The following DIAPH2 variants were observed in gnomAD, a reference collection of about 807,000 sequenced individuals.
DIAPH2 encodes diaphanous related formin 2.
DIAPH2 carries 35 observed loss-of-function variants against 92.7 expected under a neutral mutation model. The ratio of observed to expected loss-of-function variants is 0.38; its 90% CI spans 0.29 to 0.50. The LOEUF (loss-of-function observed/expected upper bound fraction) is 0.50, where lower values mean the gene tolerates loss of function less well. Among genes scored for constraint, DIAPH2 ranks in the 20% least tolerant of loss-of-function variants. The pLI is 0.94. For missense variants in DIAPH2, 701 were observed against 819.5 expected (o/e 0.86, Z 1.77); for synonymous variants, 301 against 280.4 (o/e 1.07, Z -0.73).
At chrX:96,883,423 G>A (rs1407058704) in intron 5 of DIAPH2, among the ~76,000 whole-genome samples, 2 of 106,060 alleles carry the variant, frequency 1.9e-5, no homozygotes, top group Admixed American at 1.0e-4. Flanking sequence ...TCTTGTCACC[G>A]AGGCTGGAGT....
intron 4 of DIAPH2, among the ~76,000 whole-genome samples, chrX:96,829,891 CTTTT>C (rs200939539): frequency 6.0e-5 from 6 of 99,657 alleles, no homozygotes; most frequent in African/African-American, 1.8e-4. Flanking sequence ...TTTTCTTTTT[CTTTT>C]TTTTTTTTAA....
At chrX:97,189,372 A>C (rs2067632389) in intron 22 of DIAPH2, among the ~76,000 whole-genome samples, 1 of 110,194 alleles carries the variant, frequency 9.1e-6, no homozygotes, top group African/African-American at 3.3e-5. Context: ...CAGAGAGAAC[A>C]GTCTGAGAAA....
chrX:97,366,777 G>A (rs780048009), intron 24 of DIAPH2, among the ~76,000 whole-genome samples: 2 of 111,534 alleles, frequency 1.8e-5, no homozygotes, highest in Non-Finnish European at 3.8e-5. Flanking sequence ...CTCTTTTCTG[G>A]GGAGTTGCTA....
At chrX:96,961,287 T>G (rs1375429368) in intron 16 of DIAPH2, among the ~76,000 whole-genome samples, 1 of 110,685 alleles carries the variant, frequency 9.0e-6, no homozygotes, top group East Asian at 2.8e-4. Flanking sequence ...TCCTCTGGCT[T>G]TTCAGCTTGT....
intron 22 of DIAPH2, among the ~76,000 whole-genome samples, chrX:97,232,507 G>A (rs1219162794): frequency 9.0e-6 from 1 of 111,656 alleles, no homozygotes; most frequent in East Asian, 2.8e-4. Context: ...GATTACAGGT[G>A]TGAGCCATCG....
intron 26 of DIAPH2, among the ~76,000 whole-genome samples, chrX:97,546,200 T>C (rs1248781170): frequency 9.0e-6 from 1 of 111,553 alleles, no homozygotes; most frequent in Non-Finnish European, 1.9e-5. Flanking sequence ...CAAATACTGG[T>C]ACTAACAATT....
chrX:97,242,198 G>A (rs982460153), intron 22 of DIAPH2, among the ~76,000 whole-genome samples: 2 of 107,939 alleles, frequency 1.9e-5, no homozygotes, highest in Non-Finnish European at 3.8e-5. Flanking sequence ...CAACACCCCA[G>A]ATTTACTGGG....
At chrX:97,291,109 G>GT (rs1267965001) in intron 23 of DIAPH2, among the ~76,000 whole-genome samples, 1 of 107,344 alleles carries the variant, frequency 9.3e-6, no homozygotes, top group Non-Finnish European at 1.9e-5. Context: ...CAAAAAAGCT[G>GT]GGTGCTGTGG....
At chrX:96,745,617 A>C (rs1022882347) in intron 3 of DIAPH2, among the ~76,000 whole-genome samples, 3 of 112,148 alleles carry the variant, frequency 2.7e-5, no homozygotes, top group Non-Finnish European at 5.6e-5. Flanking sequence ...TTTTTCTAAA[A>C]GAAGGTAGCT....
chrX:97,322,112 A>G (rs1318458066), intron 23 of DIAPH2, among the ~76,000 whole-genome samples: 1 of 112,797 alleles, frequency 8.9e-6, no homozygotes. Flanking sequence ...ATTTTAATGT[A>G]TTCATCAAAT....
intron 23 of DIAPH2, among the ~76,000 whole-genome samples, chrX:97,324,407 G>A (rs1291193010): frequency 8.9e-6 from 1 of 112,316 alleles, no homozygotes; most frequent in Non-Finnish European, 1.9e-5. Context: ...CGTAAGATCA[G>A]GAAAATGACA....
At chrX:97,472,715 T>C (rs2070573107) in intron 26 of DIAPH2, among the ~76,000 whole-genome samples, 1 of 112,403 alleles carries the variant, frequency 8.9e-6, no homozygotes, top group Non-Finnish European at 1.9e-5. Context: ...ATTGCTTGCT[T>C]GTTTGTCCTT....
At chrX:96,769,949 G>C (rs1187089861) in intron 4 of DIAPH2, among the ~76,000 whole-genome samples, 2 of 112,083 alleles carry the variant, frequency 1.8e-5, no homozygotes, top group African/African-American at 3.2e-5. Flanking sequence ...TGTAACCCCA[G>C]CACTTTGGGA....
chrX:96,789,229 T>G (rs914691071), intron 4 of DIAPH2, among the ~76,000 whole-genome samples: 1 of 112,006 alleles, frequency 8.9e-6, no homozygotes, highest in African/African-American at 3.2e-5. Flanking sequence ...ATATGTGTGA[T>G]GCACCTGCCC....
Position 96,912,486 on chromosome X carries a change from A to G in DIAPH2, c.666A>G (p.Gln222=), listed in dbSNP as rs1427831567. The change falls in exon 7 of 27, where the codon CAA becomes CAG. Residue 222 remains glutamine (Q), a synonymous_variant. Transcript: ENST00000324765. Reference sequence around the variant, plus strand: ...TATACATTTTTCTTTTATTTAGGCAAGAAAATATTGACAAGAAGAATCAGT... The same window carrying G: ...TATACATTTTTCTTTTATTTAGGCAGGAAAATATTGACAAGAAGAATCAGT... ...ELEKLLDKKQ[Q]ENIDKKNQYK... The G allele has an allele frequency of 8.3e-7, 1 of 1,203,843 alleles. No individual in the cohort carries two copies. Among genetic ancestry groups the G allele is most frequent in the Non-Finnish European group, 1.1e-6 (1 of 891,744 alleles).
In DIAPH2 at chrX:96,918,575, A is replaced by T. The variant is rs1195286300; in HGVS notation, c.936A>T (p.Pro312=). Residue 312 remains proline, a synonymous_variant, in exon 9 of 27, where the codon CCA becomes CCT. Transcript: ENST00000324765. Reference sequence around the variant, plus strand: ...GAAATAACAGGGAACGATTTTCACCAATTGTGGAAGGTTTAGAAAATCAGG... The same window carrying T: ...GAAATAACAGGGAACGATTTTCACCTATTGTGGAAGGTTTAGAAAATCAGG... The part of the protein sequence containing the change: ...AERNNRERFS[P]IVEGLENQEA... 8.3e-7 allele frequency: 1 copy of T among 1,205,066 alleles called. No homozygotes were observed.
chrX:96,881,504 A>T, intron 4 of DIAPH2, 75 bp from the exon 5 acceptor site: 2 of 894,764 alleles, frequency 2.2e-6, no homozygotes, highest in Non-Finnish European at 3.1e-6. Flanking sequence ...ATAACAAAAT[A>T]AATATTCTAT....
At chrX:97,038,882 T>A (rs183591458) in intron 17 of DIAPH2, among the ~76,000 whole-genome samples, 1 of 111,928 alleles carries the variant, frequency 8.9e-6, no homozygotes, top group East Asian at 2.8e-4. Context: ...TGTTTCAAAT[T>A]ATTTGATATT....
At chrX:97,361,223 GGTT>G (rs2069322704) in intron 24 of DIAPH2, among the ~76,000 whole-genome samples, 1 of 109,845 alleles carries the variant, frequency 9.1e-6, no homozygotes, top group Non-Finnish European at 1.9e-5. Flanking sequence ...CTAATTATAT[GGTT>G]GTTATTTCAT....
Sources: allele counts gnomAD v4.1 joint callset (sites outside exome capture counted in the v4.1 genomes callset), GRCh38; gene constraint gnomAD v4.1.1; transcripts MANE v1.5; gene names NCBI Gene and HGNC (gene_info 2026-07-23, HGNC 2026-07-21).